BRIP1: variants seen among roughly 807,000 people sequenced by gnomAD.
BRIP1 encodes the protein Fanconi anemia group J protein.
In BRIP1, 88 loss-of-function variants were observed where a neutral mutation model predicts 119.7. The ratio of observed to expected loss-of-function variants is 0.74; its 90% CI spans 0.62 to 0.88. The LOEUF is 0.88. Ranked by LOEUF, BRIP1 falls within the 40% of genes least tolerant of loss-of-function variation. BRIP1 has a pLI of 0.00. For missense variants in BRIP1, 1,259 were observed against 1,455.4 expected (o/e 0.87, Z 2.20); for synonymous variants, 443 against 496.5 (o/e 0.89, Z 1.43).
At position 61,776,528 on chromosome 17, in the gene BRIP1, C is replaced by T. The variant is rs1603328878; in HGVS notation, c.1970G>A (p.Gly657Asp). The T allele has an allele frequency of 6.2e-7, 1 of 1,614,116 alleles. No homozygotes were observed. The stretch of plus-strand genomic sequence containing the variant: ...CTGGAAGGTAGCACAGAGATTCCGA[C>T]CCTTGGGGCCTGACCCAATGGTACC... ...WVGTIGSGPK[G>D]RNLCATFQNT... Residue 657 changes from glycine to aspartate, a missense_variant, in exon 14 of 20, where the codon GGT (glycine) becomes GAT (aspartate). Coordinates refer to ENST00000259008, the MANE Select transcript of BRIP1 (RefSeq NM_032043.3). This position sits in a 1 kb window ranked among gnomAD's most constrained non-coding sequence, Gnocchi z 5.0.
chr17:61,863,371 G>A lies in BRIP1; in HGVS notation c.-118C>T, dbSNP rs1326343974. The A allele has an allele frequency of 2.0e-5, 3 of 152,204 alleles. No homozygotes were observed. Among genetic ancestry groups the A allele is most frequent in the African/African-American group, 7.2e-5 (3 of 41,414 alleles). The allele number at this position is 152,204 out of a possible 1,614,324, so 9.4% of individuals were successfully genotyped here. On this transcript the variant is annotated 5_prime_UTR_variant, in exon 1 of 20. Transcript: ENST00000259008. The stretch of plus-strand genomic sequence containing the variant: ...ACCGACTTCTGAGAGCAAATAAAGC[G>A]GAGCCCTGGAAGAGAAGAAAGGGCA...
At chr17:61,839,407 T>TC (rs974410921) in intron 6 of BRIP1, among the ~76,000 whole-genome samples, 1 of 152,068 alleles carries the variant, frequency 6.6e-6, no homozygotes, top group Admixed American at 6.5e-5. Context: ...GGTTTTTTTT[T>TC]CCCATAACCT....
At chr17:61,731,570 T>C (rs1289005538) in intron 16 of BRIP1, among the ~76,000 whole-genome samples, 1 of 152,248 alleles carries the variant, frequency 6.6e-6, no homozygotes, top group Non-Finnish European at 1.5e-5. Context: ...GAAACTGCTA[T>C]CCTCTTTCAA....
intron 6 of BRIP1, among the ~76,000 whole-genome samples, chr17:61,829,355 C>T (rs1341722823): frequency 1.3e-5 from 2 of 151,936 alleles, no homozygotes; most frequent in East Asian, 3.8e-4. Flanking sequence ...TGGGTTAATA[C>T]ATCAAGAAGA....
rs1201700446 is a variant in BRIP1, at chr17:61,796,102, T to C, written c.1341-2373A>G. Reference sequence around the variant, plus strand: ...CTTTTGTCCATTTTTAATTAGATTATTAGATTTTTTCCTACAGAGTTGTTT... The same window carrying C: ...CTTTTGTCCATTTTTAATTAGATTACTAGATTTTTTCCTACAGAGTTGTTT... On this transcript the variant is annotated intron_variant, in intron 9 of 19. Transcript: ENST00000259008. This position sits in a 1 kb window ranked among gnomAD's most constrained non-coding sequence, Gnocchi z 4.8. Among the ~76,000 whole-genome samples, 1 of 152,150 alleles carries C rather than the reference T, an allele frequency of 6.6e-6. No homozygotes were observed. The highest frequency in any genetic ancestry group is 2.1e-4 in the South Asian group (1 of 4,832).
At chr17:61,786,924 T>G (rs1454721447) in intron 10 of BRIP1, among the ~76,000 whole-genome samples, 1 of 40,504 alleles carries the variant, frequency 2.5e-5, no homozygotes, top group Non-Finnish European at 4.1e-5. Context: ...TAAAAATATA[T>G]ATTTATATAT....
chr17:61,854,048 G>T (rs1479983963), intron 4 of BRIP1, among the ~76,000 whole-genome samples: 1 of 152,130 alleles, frequency 6.6e-6, no homozygotes, highest in Non-Finnish European at 1.5e-5. Flanking sequence ...GGCCGAAGAA[G>T]GCAGATCACT....
intron 6 of BRIP1, among the ~76,000 whole-genome samples, chr17:61,821,519 CTTT>C (rs1050865019): frequency 2.7e-5 from 4 of 148,474 alleles, no homozygotes; most frequent in East Asian, 2.0e-4. Context: ...TATTTTTTAC[CTTT>C]TTATTTTTAA....
chr17:61,782,710 T>C (rs1349149407), intron 11 of BRIP1, among the ~76,000 whole-genome samples: 1 of 6,550 alleles, frequency 1.5e-4, no homozygotes, highest in East Asian at 7.7e-3. Flanking sequence ...CTTCAATAGA[T>C]ATTTCTCCAA....
chr17:61,686,070 C>CTT lies in BRIP1; in HGVS notation c.2669_2670dup (p.Val891LysfsTer7). On this transcript the variant is annotated frameshift_variant, in exon 19 of 20. Transcript: ENST00000259008. LOFTEE classifies it high-confidence loss of function. The surrounding 1 kb of genome is among the most constrained non-coding windows in gnomAD (Gnocchi z 5.4). ...CTGTCCTTTATGGATACATTAAGAA[C>CTT]TTTTTGATGCTTTTTGGAAAATTCA... 1 of 1,613,924 alleles carries CTT rather than the reference C, an allele frequency of 6.2e-7. No homozygotes were observed. Among genetic ancestry groups the CTT allele is most frequent in the Non-Finnish European group, 8.5e-7 (1 of 1,179,862 alleles).
chr17:61,703,304 C>T lies in BRIP1; in HGVS notation c.2493-9792G>A, dbSNP rs150724560. 3.3e-5 allele frequency among the ~76,000 whole-genome samples: 5 copies of T among 152,260 alleles called. No individual in the cohort carries two copies. In the East Asian group the frequency reaches 9.7e-4, roughly 30 times the overall value. On this transcript the variant is annotated intron_variant, in intron 17 of 19. Transcript: ENST00000259008. The surrounding 1 kb of genome is among the most constrained non-coding windows in gnomAD (Gnocchi z 5.0). ...GTCTTCAACTCCTGACCTCAAGTGA[C>T]CTGCCCGCCTTGACCTCCCAGTGCT...
At chr17:61,765,421 A>T (rs1417378434) in intron 14 of BRIP1, among the ~76,000 whole-genome samples, 355 of 8,088 alleles carry the variant, frequency 0.044, 33 homozygotes, top group South Asian at 0.06. Context: ...ATATATATAT[A>T]TATTTTTTTT....
rs2077286634 is a variant in BRIP1 at position 61,762,192 on chromosome 17, T to C, written c.2097+14209A>G. Among the ~76,000 whole-genome samples the C allele has an allele frequency of 6.6e-6, 1 of 151,884 alleles. No homozygotes were observed. Among genetic ancestry groups the C allele is most frequent in the Non-Finnish European group, 1.5e-5 (1 of 67,944 alleles). On this transcript the variant is annotated intron_variant, in intron 14 of 19. Transcript: ENST00000259008. This position sits in a 1 kb window ranked among gnomAD's most constrained non-coding sequence, Gnocchi z 4.3. ...AAAATGGTGCTAAGAAAATTAGATATCCACATGCAGAAGAATGAAAATGGA... is the reference window on the plus strand; with the variant it reads ...AAAATGGTGCTAAGAAAATTAGATACCCACATGCAGAAGAATGAAAATGGA...
intron 14 of BRIP1, among the ~76,000 whole-genome samples, chr17:61,765,619 C>T (rs2077362380): frequency 6.7e-6 from 1 of 148,484 alleles, no homozygotes; most frequent in Non-Finnish European, 1.5e-5. Flanking sequence ...ATTTTTAGTA[C>T]AGACGGAGTT....
At position 61,815,399 on chromosome 17, in the gene BRIP1, A is replaced by G. The variant is rs764422924; in HGVS notation, c.628-6642T>C. Among the ~76,000 whole-genome samples, 8 of 152,170 alleles carry G rather than the reference A, an allele frequency of 5.3e-5. No individual in the cohort carries two copies. The highest frequency in any genetic ancestry group is 1.5e-5 in the Non-Finnish European group (1 of 68,006). ...GTTAGGGCTTTATTCCAGAATTTAT[A>G]TCTGGTTTTTTAACGAAAATCAAAT... On this transcript the variant is annotated intron_variant, in intron 6 of 19. Coordinates refer to ENST00000259008, the MANE Select transcript of BRIP1 (RefSeq NM_032043.3). The surrounding 1 kb of genome is among the most constrained non-coding windows in gnomAD (Gnocchi z 4.1).
chr17:61,747,341 G>A (rs1462812526), intron 14 of BRIP1, among the ~76,000 whole-genome samples: 1 of 151,622 alleles, frequency 6.6e-6, no homozygotes, highest in Non-Finnish European at 1.5e-5. Context: ...AAATAAAATA[G>A]GGAACAGAAA....
In BRIP1 at chr17:61,825,151, G is replaced by A. The variant is rs927490841; in HGVS notation, c.628-16394C>T. Among the ~76,000 whole-genome samples, 1 of 152,040 alleles carries A rather than the reference G, an allele frequency of 6.6e-6. No individual in the cohort carries two copies. Among genetic ancestry groups the A allele is most frequent in the Non-Finnish European group, 1.5e-5 (1 of 68,000 alleles). ...ATACAAAAAATTAGCTGGGCAAGGTGGCGGGCACCTGTAGTCTCAGCTACT... is the reference window on the plus strand; with the variant it reads ...ATACAAAAAATTAGCTGGGCAAGGTAGCGGGCACCTGTAGTCTCAGCTACT... On this transcript the variant is annotated intron_variant, in intron 6 of 19. Transcript: ENST00000259008. This position sits in a 1 kb window ranked among gnomAD's most constrained non-coding sequence, Gnocchi z 4.1.
At position 61,684,114 on chromosome 17, in the gene BRIP1, C is replaced by G. The variant is rs2061326304; in HGVS notation, c.2932G>C (p.Gly978Arg). 6.2e-7 allele frequency: 1 copy of G among 1,613,598 alleles called. No homozygotes were observed. Among genetic ancestry groups the G allele is most frequent in the Non-Finnish European group, 8.5e-7 (1 of 1,179,808 alleles). ...KNDPVFLEEAGKAEKIVISRS... is the reference protein window; with the variant it reads ...KNDPVFLEEARKAEKIVISRS... ...GAAATCACAATTTTTTCTGCTTTCC[C>G]TGCTTCTTCCAGGAATACTGGATCA... The change falls in exon 20 of 20, where the codon GGG becomes CGG. Residue 978 changes from glycine to arginine, a missense_variant. Physicochemically the swap from Gly to Arg is moderately radical, Grantham distance 125. Around this residue, in one of 3 missense-constraint regions of BRIP1, gnomAD observed 753 missense variants for 891.8 expected, o/e 0.84. Coordinates refer to ENST00000259008, the MANE Select transcript of BRIP1 (RefSeq NM_032043.3). The surrounding 1 kb of genome is among the most constrained non-coding windows in gnomAD (Gnocchi z 4.5).
chr17:61,706,215 T>C lies in BRIP1; in HGVS notation c.2492+9736A>G, dbSNP rs1350745539. Among the ~76,000 whole-genome samples the C allele has an allele frequency of 1.3e-5, 2 of 152,150 alleles. No homozygotes were observed. The highest frequency in any genetic ancestry group is 2.4e-5 in the African/African-American group (1 of 41,450). ...TGGAATTCTACTTTATCTGGTATTA[T>C]ACAGTTACTTGAGCTAGATCATTGG... On this transcript the variant is annotated intron_variant, in intron 17 of 19. Coordinates refer to ENST00000259008, the MANE Select transcript of BRIP1 (RefSeq NM_032043.3). This position sits in a 1 kb window ranked among gnomAD's most constrained non-coding sequence, Gnocchi z 5.7.
Sources: allele counts gnomAD v4.1 joint callset (sites outside exome capture counted in the v4.1 genomes callset), GRCh38; gene constraint gnomAD v4.1.1; regional missense constraint gnomAD v4.1.1; non-coding constraint Gnocchi (gnomAD v3.1); transcripts MANE v1.5; gene names NCBI Gene and HGNC (gene_info 2026-07-23, HGNC 2026-07-21).